Variants in RBM20 observed in about 807,000 individuals in gnomAD.
RBM20 encodes the protein RNA-binding protein 20.
Under a neutral mutation model 110.1 loss-of-function variants are expected in RBM20, and 51 were observed. That is an observed-to-expected ratio of 0.46 (90% CI 0.37 to 0.59). RBM20 has a LOEUF of 0.59. Among genes scored for constraint, RBM20 ranks in the 20% least tolerant of loss-of-function variants. The probability of loss-of-function intolerance (pLI) is 0.00; values close to 1 mark genes in which losing one functional copy is unlikely to be tolerated. For missense variants in RBM20, 1,512 were observed against 1,574.9 expected (o/e 0.96, Z 0.68); for synonymous variants, 589 against 618.2 (o/e 0.95, Z 0.70).
At chr10:110,775,412 T>C (rs1844248599) in intron 1 of RBM20, among the ~76,000 whole-genome samples, 1 of 152,222 alleles carries the variant, frequency 6.6e-6, no homozygotes, top group South Asian at 2.1e-4. Context: ...GGTTCTTGGC[T>C]CCTGCTTCTG....
chr10:110,817,773 G>A (rs965007636), intron 9 of RBM20, among the ~76,000 whole-genome samples: 1 of 152,192 alleles, frequency 6.6e-6, no homozygotes, highest in African/African-American at 2.4e-5. Context: ...GGGTGAAAAG[G>A]AAGTGAAAAG....
chr10:110,707,492 T>G (rs576067791), intron 1 of RBM20, among the ~76,000 whole-genome samples: 1 of 152,354 alleles, frequency 6.6e-6, no homozygotes, highest in East Asian at 1.9e-4. Flanking sequence ...CTAGAGAAAG[T>G]TAAACATTTT....
chr10:110,651,715 G>T (rs998639538), intron 1 of RBM20, among the ~76,000 whole-genome samples: 2 of 152,178 alleles, frequency 1.3e-5, no homozygotes, highest in Non-Finnish European at 2.9e-5. Flanking sequence ...TCAGTTGGCC[G>T]CAGAGACCAG....
chr10:110,729,306 G>A (rs759268143), intron 1 of RBM20, among the ~76,000 whole-genome samples: 9 of 152,136 alleles, frequency 5.9e-5, no homozygotes, highest in Non-Finnish European at 1.0e-4. Context: ...TCTCTCCTGC[G>A]AGGGGTTGTC....
intron 1 of RBM20, among the ~76,000 whole-genome samples, chr10:110,723,982 C>T (rs1843536011): frequency 6.6e-6 from 1 of 152,146 alleles, no homozygotes; most frequent in African/African-American, 2.4e-5. Flanking sequence ...AGATGACAGA[C>T]ACTGTATTCT....
chr10:110,717,944 C>T (rs965014331), intron 1 of RBM20, among the ~76,000 whole-genome samples: 3 of 152,238 alleles, frequency 2.0e-5, no homozygotes, highest in African/African-American at 7.2e-5. Context: ...TGGAGAGAAA[C>T]AATCCCTTTT....
At chr10:110,768,247 A>AAGGGAG (rs60375640) in intron 1 of RBM20, among the ~76,000 whole-genome samples, 64,599 of 148,834 alleles carry the variant, frequency 0.43, 14,052 homozygotes, top group East Asian at 0.5. Flanking sequence ...GAGGGAGGGA[A>AAGGGAG]AGGGAGAGGG....
intron 10 of RBM20, 74 bp from the exon 11 acceptor site, chr10:110,821,201 T>C: frequency 7.7e-7 from 1 of 1,304,488 alleles, no homozygotes; most frequent in Non-Finnish European, 1.1e-6. Flanking sequence ...GAGTGGTCCT[T>C]ATGGCCAAGT....
chr10:110,671,345 T>C (rs2134841138), intron 1 of RBM20, among the ~76,000 whole-genome samples: 1 of 152,378 alleles, frequency 6.6e-6, no homozygotes, highest in Non-Finnish European at 1.5e-5. Flanking sequence ...ATGAATATTT[T>C]TATTGCTTTT....
intron 5 of RBM20, among the ~76,000 whole-genome samples, chr10:110,794,965 C>T (rs1844531354): frequency 1.3e-5 from 2 of 152,256 alleles, no homozygotes; most frequent in Non-Finnish European, 2.9e-5. Flanking sequence ...CACTGGCCCT[C>T]ATGCCTGTTC....
chr10:110,829,607 A>C (rs1258569064), intron 12 of RBM20, among the ~76,000 whole-genome samples: 3 of 152,070 alleles, frequency 2.0e-5, no homozygotes, highest in Non-Finnish European at 4.4e-5. Flanking sequence ...ATAAGTGGCT[A>C]TTTTGAAATG....
At chr10:110,830,462 G>A (rs1411736452) in intron 12 of RBM20, among the ~76,000 whole-genome samples, 2 of 152,174 alleles carry the variant, frequency 1.3e-5, no homozygotes, top group Non-Finnish European at 2.9e-5. Context: ...ACGAAAAAAA[G>A]AGGACAGAGA....
At chr10:110,738,649 T>C (rs1843696865) in intron 1 of RBM20, among the ~76,000 whole-genome samples, 1 of 152,004 alleles carries the variant, frequency 6.6e-6, no homozygotes, top group Non-Finnish European at 1.5e-5. Context: ...AAGGGGGGCT[T>C]TCCTGAAACA....
chr10:110,739,148 C>T lies in RBM20; in HGVS notation c.192-41653C>T, dbSNP rs550564338. ...GATGTCTTTCTGTCTGTTGACAGGT[C>T]CTCCTGAGGACCAAGGCCTGCATAG... On this transcript the variant is annotated intron_variant, in intron 1 of 13. Transcript: ENST00000369519. This position sits in a 1 kb window ranked among gnomAD's most constrained non-coding sequence, Gnocchi z 4.1. Among the ~76,000 whole-genome samples, 2 of 152,248 alleles carry T rather than the reference C, an allele frequency of 1.3e-5. No individual in the cohort carries two copies. Among genetic ancestry groups the T allele is most frequent in the African/African-American group, 2.4e-5 (1 of 41,518 alleles).
At chr10:110,807,477 G>A (rs1424660572) in intron 7 of RBM20, among the ~76,000 whole-genome samples, 1 of 152,202 alleles carries the variant, frequency 6.6e-6, no homozygotes, top group East Asian at 1.9e-4. Context: ...CCCCTCACTG[G>A]GGGCACCCCT....
At chr10:110,793,896 A>G (rs971021615) in intron 5 of RBM20, among the ~76,000 whole-genome samples, 1 of 152,244 alleles carries the variant, frequency 6.6e-6, no homozygotes, top group Non-Finnish European at 1.5e-5. Flanking sequence ...TGTAAAGAAT[A>G]ATGTTTAGCC....
chr10:110,788,525 C>T (rs1844447775), intron 5 of RBM20, among the ~76,000 whole-genome samples: 1 of 152,210 alleles, frequency 6.6e-6, no homozygotes, highest in Non-Finnish European at 1.5e-5. Flanking sequence ...CTGCCCCAGC[C>T]AACCCCTACA....
intron 1 of RBM20, among the ~76,000 whole-genome samples, chr10:110,727,419 A>AAAAAATAAAAAAAAAAAATAAAATAAAT (rs377734576): frequency 4.1e-4 from 60 of 146,798 alleles, no homozygotes; most frequent in Admixed American, 1.0e-3. Context: ...AAATAAAAAA[A>AAAAAATAAAAAAAAAAAATAAAATAAAT]AAATAAATAA....
intron 1 of RBM20, among the ~76,000 whole-genome samples, chr10:110,763,015 C>T (rs977977062): frequency 2.4e-4 from 37 of 152,216 alleles, no homozygotes; most frequent in African/African-American, 6.7e-4. Context: ...CTGGGACTGG[C>T]GCTTTTAGGT....
Sources: gnomAD v4.1 joint callset for allele counts (sites outside exome capture counted in the v4.1 genomes callset) on GRCh38, gnomAD v4.1.1 for gene constraint, Gnocchi (gnomAD v3.1) non-coding constraint, MANE v1.5 for transcripts, NCBI Gene and HGNC (gene_info 2026-07-23, HGNC 2026-07-21) for gene names.